Variants in LRRC4C observed in about 807,000 individuals in gnomAD.
LRRC4C encodes leucine rich repeat containing 4C.
A neutral mutation model predicts 33.6 loss-of-function variants in LRRC4C; 5 were observed. The observed-to-expected ratio is 0.15, with a 90% CI of 0.08 to 0.31. The LOEUF (loss-of-function observed/expected upper bound fraction) is 0.31. Among genes scored for constraint, LRRC4C ranks in the 10% least tolerant of loss-of-function variants. The pLI, the probability that LRRC4C is intolerant of heterozygous loss-of-function variation, is 1.00. For missense variants in LRRC4C, 560 were observed against 796.7 expected (o/e 0.70, Z 3.58); for synonymous variants, 329 against 302.0 (o/e 1.09, Z -0.93).
At chr11:41,390,952 A>G (rs1425171859) in intron 1 of LRRC4C, among the ~76,000 whole-genome samples, 1 of 151,140 alleles carries the variant, frequency 6.6e-6, no homozygotes, top group Non-Finnish European at 1.5e-5. Flanking sequence ...TTTAACTAAA[A>G]GCAGTATACA....
chr11:40,680,621 T>C (rs1200309225), intron 2 of LRRC4C, among the ~76,000 whole-genome samples: 2 of 152,192 alleles, frequency 1.3e-5, no homozygotes, highest in Non-Finnish European at 2.9e-5. Flanking sequence ...AGCTATTTTG[T>C]TTGCCTGCTG....
chr11:40,383,839 C>T (rs1027512104), intron 3 of LRRC4C, among the ~76,000 whole-genome samples: 4 of 151,606 alleles, frequency 2.6e-5, no homozygotes, highest in Non-Finnish European at 4.4e-5. Context: ...CATGCAACAC[C>T]GTGCCCGGCT....
chr11:40,399,692 A>T (rs931461811), intron 3 of LRRC4C, among the ~76,000 whole-genome samples: 2 of 152,018 alleles, frequency 1.3e-5, no homozygotes, highest in African/African-American at 4.8e-5. Context: ...ATAATAATAA[A>T]AAACCACCAC....
intron 3 of LRRC4C, among the ~76,000 whole-genome samples, chr11:40,503,892 A>C (rs749864623): frequency 1.1e-4 from 16 of 152,146 alleles, no homozygotes; most frequent in South Asian, 2.1e-4. Flanking sequence ...ATCTTTCTGC[A>C]GTGTTCCATG....
chr11:40,981,634 C>A (rs904572452), intron 1 of LRRC4C, among the ~76,000 whole-genome samples: 1 of 152,096 alleles, frequency 6.6e-6, no homozygotes, highest in African/African-American at 2.4e-5. Flanking sequence ...TACAGAGGGG[C>A]TTTTAAAATA....
chr11:40,721,900 C>T lies in LRRC4C; in HGVS notation c.-406-73622G>A, dbSNP rs572068331. Among the ~76,000 whole-genome samples, 4 of 152,264 alleles carry T rather than the reference C, an allele frequency of 2.6e-5. No individual in the cohort carries two copies. In the South Asian group the frequency reaches 8.3e-4, roughly 32 times the overall value. On this transcript the variant is annotated intron_variant, in intron 2 of 6. Transcript: ENST00000528697. Reference sequence around the variant, plus strand: ...AGCTTGCAGTGAGCCAAGATCGCGCCACTGCACTCCATCCAGCCTGGGCGA... The same window carrying T: ...AGCTTGCAGTGAGCCAAGATCGCGCTACTGCACTCCATCCAGCCTGGGCGA...
chr11:40,652,089 T>C (rs984423500), intron 2 of LRRC4C, among the ~76,000 whole-genome samples: 1 of 152,146 alleles, frequency 6.6e-6, no homozygotes, highest in African/African-American at 2.4e-5. Context: ...CTCATTACTT[T>C]CCTGAAAGCC....
chr11:40,783,296 T>C (rs1255520316), intron 2 of LRRC4C, among the ~76,000 whole-genome samples: 2 of 149,594 alleles, frequency 1.3e-5, no homozygotes, highest in African/African-American at 5.0e-5. Context: ...TTTTATTTTA[T>C]TTTATTTTTT....
intron 1 of LRRC4C, among the ~76,000 whole-genome samples, chr11:41,200,813 C>A (rs1256008488): frequency 6.6e-6 from 1 of 152,054 alleles, no homozygotes; most frequent in Admixed American, 6.6e-5. Flanking sequence ...AAATTTGAAC[C>A]ACTGTATTTG....
chr11:40,842,801 C>G (rs1286417052), intron 2 of LRRC4C, among the ~76,000 whole-genome samples: 1 of 152,096 alleles, frequency 6.6e-6, no homozygotes, highest in Non-Finnish European at 1.5e-5. Context: ...ATTACAATCA[C>G]CTGGTAAATT....
At chr11:40,741,956 T>G (rs1591602728) in intron 2 of LRRC4C, among the ~76,000 whole-genome samples, 1 of 152,168 alleles carries the variant, frequency 6.6e-6, no homozygotes, top group South Asian at 2.1e-4. Context: ...ATTTCTGTAG[T>G]TTAGGATTTC....
intron 3 of LRRC4C, among the ~76,000 whole-genome samples, chr11:40,580,868 T>C (rs1958435800): frequency 6.6e-6 from 1 of 152,262 alleles, no homozygotes; most frequent in African/African-American, 2.4e-5. Flanking sequence ...TGTTCCAAAG[T>C]AGCTTAAAAA....
intron 5 of LRRC4C, among the ~76,000 whole-genome samples, chr11:40,162,764 CTCAG>C (rs1357476146): frequency 6.6e-6 from 1 of 152,182 alleles, no homozygotes; most frequent in African/African-American, 2.4e-5. Flanking sequence ...GGTTTAATAA[CTCAG>C]TCAAAGTTAG....
chr11:40,213,237 T>C (rs904691658), intron 5 of LRRC4C, among the ~76,000 whole-genome samples: 10 of 152,288 alleles, frequency 6.6e-5, no homozygotes, highest in African/African-American at 2.4e-4. Flanking sequence ...CAGTAGAAGA[T>C]ATTCAGTTAT....
chr11:40,192,710 T>A (rs985118161), intron 5 of LRRC4C, among the ~76,000 whole-genome samples: 1 of 152,098 alleles, frequency 6.6e-6, no homozygotes, highest in East Asian at 1.9e-4. Flanking sequence ...TGGCTTGAAA[T>A]TCTCGCTGCC....
At chr11:41,079,015 A>C (rs1484388879) in intron 1 of LRRC4C, among the ~76,000 whole-genome samples, 1 of 152,192 alleles carries the variant, frequency 6.6e-6, no homozygotes, top group Non-Finnish European at 1.5e-5. Flanking sequence ...ATACTGTCAA[A>C]ATAAATGTTA....
intron 1 of LRRC4C, among the ~76,000 whole-genome samples, chr11:41,164,425 CT>C (rs951858958): frequency 3.3e-5 from 5 of 151,484 alleles, no homozygotes; most frequent in Non-Finnish European, 7.4e-5. Context: ...TTATAGTTAC[CT>C]TTTTTTTACA....
chr11:41,265,309 G>A lies in LRRC4C; in HGVS notation c.-496+194122C>T, dbSNP rs188527396. On this transcript the variant is annotated intron_variant, in intron 1 of 6. Transcript: ENST00000528697. ...CAATGATCAAAAAAATTAAAGGTAC[G>A]TTAGAGTAAACCAAGAGGACGATAC... Among the ~76,000 whole-genome samples the A allele has an allele frequency of 6.6e-5, 10 of 152,216 alleles. No individual in the cohort carries two copies. The East Asian group carries it at 9.7e-4, about 15-fold the overall frequency.
At chr11:40,768,934 A>G (rs1949615043) in intron 2 of LRRC4C, among the ~76,000 whole-genome samples, 1 of 152,134 alleles carries the variant, frequency 6.6e-6, no homozygotes, top group Non-Finnish European at 1.5e-5. Flanking sequence ...CATGAAAAGG[A>G]TGCCCACTTT....
Sources: allele counts gnomAD v4.1 joint callset (sites outside exome capture counted in the v4.1 genomes callset), GRCh38; gene constraint gnomAD v4.1.1; transcripts MANE v1.5; gene names NCBI Gene and HGNC (gene_info 2026-07-23, HGNC 2026-07-21).